WDR70: variants seen among roughly 807,000 people sequenced by gnomAD.
The protein encoded by WDR70 is WD repeat domain 70, also known as WD repeat-containing protein 70.
Under a neutral mutation model 88.6 loss-of-function variants are expected in WDR70, and 53 were observed. The ratio of observed to expected loss-of-function variants is 0.60; its 90% CI spans 0.48 to 0.75. The LOEUF (loss-of-function observed/expected upper bound fraction) is 0.75. Ranked by LOEUF, WDR70 falls within the 30% of genes least tolerant of loss-of-function variation. The pLI is 0.00. For synonymous variants in WDR70, 280 were observed against 270.0 expected (o/e 1.04, Z -0.36); for missense variants, 610 against 823.2 (o/e 0.74, Z 3.17).
chr5:37,500,781 A>T (rs1212348456), intron 8 of WDR70, among the ~76,000 whole-genome samples: 1 of 126,100 alleles, frequency 7.9e-6, no homozygotes, highest in Admixed American at 1.0e-4. Context: ...GCTGGAGTGC[A>T]ATGGCGCGAT....
chr5:37,517,014 G>A (rs1740909638), intron 9 of WDR70, among the ~76,000 whole-genome samples: 1 of 152,002 alleles, frequency 6.6e-6, no homozygotes, highest in Admixed American at 6.6e-5. Flanking sequence ...GAACCACTGT[G>A]CCCGGCCTAT....
chr5:37,431,202 G>T (rs993751758), intron 5 of WDR70, among the ~76,000 whole-genome samples: 9 of 152,118 alleles, frequency 5.9e-5, no homozygotes, highest in South Asian at 2.1e-4. Context: ...ATTCATGAAG[G>T]CAGGAACCTT....
chr5:37,587,413 A>T (rs1004319225), intron 9 of WDR70, among the ~76,000 whole-genome samples: 3 of 151,570 alleles, frequency 2.0e-5, no homozygotes, highest in Admixed American at 6.6e-5. Flanking sequence ...AATTTCTAGG[A>T]TGCACTCCCC....
intron 10 of WDR70, among the ~76,000 whole-genome samples, chr5:37,686,368 T>C (rs919670163): frequency 1.3e-5 from 2 of 152,084 alleles, no homozygotes; most frequent in African/African-American, 4.8e-5. Context: ...GTTGATAATT[T>C]GTCAGACTGT....
At chr5:37,540,604 T>C (rs866071842) in intron 9 of WDR70, among the ~76,000 whole-genome samples, 26 of 152,284 alleles carry the variant, frequency 1.7e-4, no homozygotes, top group African/African-American at 5.5e-4. Flanking sequence ...ATGGTCTTGA[T>C]CTCTTGACCT....
chr5:37,433,649 G>C (rs947607488), intron 5 of WDR70, among the ~76,000 whole-genome samples: 9 of 152,160 alleles, frequency 5.9e-5, no homozygotes, highest in Admixed American at 1.3e-4. Context: ...TTGAAGTTCA[G>C]AAAGTGTCAA....
At chr5:37,708,408 A>AT (rs958785885) in intron 13 of WDR70, among the ~76,000 whole-genome samples, 30 of 152,110 alleles carry the variant, frequency 2.0e-4, no homozygotes, top group African/African-American at 6.7e-4. Context: ...AATGTTATAT[A>AT]TAACATATAA....
intron 10 of WDR70, among the ~76,000 whole-genome samples, chr5:37,613,503 T>C (rs1338514246): frequency 6.6e-6 from 1 of 152,218 alleles, no homozygotes; most frequent in Admixed American, 6.5e-5. Context: ...ATTTGTCTTA[T>C]AATTCCCTCC....
At chr5:37,621,746 G>T (rs1744510771) in intron 10 of WDR70, among the ~76,000 whole-genome samples, 1 of 152,148 alleles carries the variant, frequency 6.6e-6, no homozygotes, top group African/African-American at 2.4e-5. Context: ...GATCCCATTT[G>T]TCAATTTTGG....
At chr5:37,519,325 C>T (rs910278778) in intron 9 of WDR70, among the ~76,000 whole-genome samples, 13 of 150,054 alleles carry the variant, frequency 8.7e-5, no homozygotes, top group East Asian at 2.0e-4. Flanking sequence ...TGGGCAGAGG[C>T]GCTCCTCACT....
At chr5:37,439,938 C>A (rs752730052) in intron 6 of WDR70, among the ~76,000 whole-genome samples, 4 of 151,884 alleles carry the variant, frequency 2.6e-5, no homozygotes, top group Non-Finnish European at 5.9e-5. Flanking sequence ...TACACTCTTT[C>A]TGAATGTGCA....
chr5:37,397,119 A>G (rs12657783), intron 5 of WDR70, among the ~76,000 whole-genome samples: 82,196 of 149,950 alleles, frequency 0.55, 24,773 homozygotes, highest in Non-Finnish European at 0.67. Flanking sequence ...CCTGGGCGAC[A>G]GAGTGAGACC....
intron 17 of WDR70, among the ~76,000 whole-genome samples, chr5:37,735,808 G>T (rs1474533981): frequency 6.6e-6 from 1 of 152,176 alleles, no homozygotes; most frequent in African/African-American, 2.4e-5. Context: ...ACTTCTGTCA[G>T]TGATGAAATG....
intron 9 of WDR70, among the ~76,000 whole-genome samples, chr5:37,571,907 C>T (rs566896763): frequency 2.0e-5 from 3 of 151,798 alleles, no homozygotes; most frequent in African/African-American, 7.2e-5. Flanking sequence ...ATCTGGAGTC[C>T]GAAAAACAAA....
chr5:37,395,089 T>C (rs1219808309), intron 4 of WDR70, among the ~76,000 whole-genome samples: 2 of 152,198 alleles, frequency 1.3e-5, no homozygotes, highest in Non-Finnish European at 2.9e-5. Context: ...ATACCAGAGA[T>C]ACTTCATTAG....
In WDR70 at chr5:37,398,246, G is replaced by A. The variant is rs564883391; in HGVS notation, c.492+1676G>A. 3.3e-5 allele frequency among the ~76,000 whole-genome samples: 5 copies of A among 151,806 alleles called. No homozygotes were observed. The East Asian group carries it at 5.9e-4, about 18-fold the overall frequency. On this transcript the variant is annotated intron_variant, in intron 5 of 17. Coordinates refer to ENST00000265107, the MANE Select transcript of WDR70 (RefSeq NM_018034.4). Reference sequence around the variant, plus strand: ...TGAGACTACAGGCACCCGCCACCACGCCCAGCTGATTTTTCGTATTTTTAG... The same window carrying A: ...TGAGACTACAGGCACCCGCCACCACACCCAGCTGATTTTTCGTATTTTTAG...
chr5:37,464,596 A>G (rs1295626146), intron 7 of WDR70, among the ~76,000 whole-genome samples: 1 of 152,228 alleles, frequency 6.6e-6, no homozygotes. Context: ...TACAACATCC[A>G]GGGCCTCTGA....
chr5:37,420,027 C>T (rs1039308349), intron 5 of WDR70, among the ~76,000 whole-genome samples: 20 of 152,160 alleles, frequency 1.3e-4, no homozygotes, highest in African/African-American at 4.1e-4. Flanking sequence ...GCGTGAGCCA[C>T]CGTGCCTGGC....
At chr5:37,673,593 C>CCA (rs397799965) in intron 10 of WDR70, among the ~76,000 whole-genome samples, 3 of 119,140 alleles carry the variant, frequency 2.5e-5, no homozygotes, top group South Asian at 3.5e-4. Context: ...ACCCCCCCCC[C>CCA]ACCCTTTTTT....
Sources: allele counts gnomAD v4.1 joint callset (sites outside exome capture counted in the v4.1 genomes callset), GRCh38; gene constraint gnomAD v4.1.1; transcripts MANE v1.5; gene names NCBI Gene and HGNC (gene_info 2026-07-23, HGNC 2026-07-21).